EPHA3: variants seen among roughly 807,000 people sequenced by gnomAD.
EPHA3 encodes the protein ephrin type-A receptor 3.
A neutral mutation model predicts 107.1 loss-of-function variants in EPHA3; 42 were observed. That is an observed-to-expected ratio of 0.39 (90% CI 0.31 to 0.51). EPHA3 has a LOEUF of 0.51. Among genes scored for constraint, EPHA3 ranks in the 20% least tolerant of loss-of-function variants. The probability of loss-of-function intolerance (pLI) is 0.78; values close to 1 mark genes in which losing one functional copy is unlikely to be tolerated. For missense variants in EPHA3, 1,183 were observed against 1,211.2 expected, an observed-to-expected ratio of 0.98 and a Z score of 0.35; for synonymous variants, 461 against 424.8, an observed-to-expected ratio of 1.09 and a Z score of -1.05.
At chr3:89,162,677 A>G (rs1704977507) in intron 2 of EPHA3, among the ~76,000 whole-genome samples, 1 of 152,234 alleles carries the variant, frequency 6.6e-6, no homozygotes, top group African/African-American at 2.4e-5. Flanking sequence ...CAGAAGGTGA[A>G]GTGAAGCTGT....
chr3:89,112,207 T>A (rs553520399), intron 1 of EPHA3, among the ~76,000 whole-genome samples: 5 of 152,170 alleles, frequency 3.3e-5, no homozygotes, highest in African/African-American at 1.2e-4. Flanking sequence ...AATACAAAAA[T>A]TTAAAACAAA....
chr3:89,138,221 G>A lies in EPHA3; in HGVS notation c.153+10948G>A, dbSNP rs892755828. On this transcript the variant is annotated intron_variant, in intron 2 of 16. Transcript: ENST00000336596. ...AAACACACAGGAAGAGAAAAGACGC[G>A]TTTCCCTGGCAACTTGGGAAATCTA... 4.2e-4 allele frequency among the ~76,000 whole-genome samples: 63 copies of A among 151,676 alleles called. 1 individual carries two copies. Among genetic ancestry groups the A allele is most frequent in the Non-Finnish European group, 2.1e-4 (14 of 67,882 alleles).
intron 1 of EPHA3, among the ~76,000 whole-genome samples, chr3:89,111,314 T>C (rs1400300872): frequency 1.3e-5 from 2 of 152,092 alleles, no homozygotes; most frequent in African/African-American, 4.8e-5. Context: ...TATAAACACT[T>C]TTCCTCAAAT....
intron 12 of EPHA3, among the ~76,000 whole-genome samples, chr3:89,430,012 C>T (rs565433053): frequency 6.6e-6 from 1 of 152,264 alleles, no homozygotes; most frequent in Non-Finnish European, 1.5e-5. Flanking sequence ...GATCCGCCCT[C>T]CTCAGCCTCC....
intron 2 of EPHA3, among the ~76,000 whole-genome samples, chr3:89,147,461 A>G (rs1028277033): frequency 6.6e-6 from 1 of 151,940 alleles, no homozygotes; most frequent in African/African-American, 2.4e-5. Flanking sequence ...TATAATTGTG[A>G]AGAAGAAAAA....
intron 5 of EPHA3, among the ~76,000 whole-genome samples, chr3:89,379,378 T>C (rs1356280972): frequency 1.3e-5 from 2 of 152,166 alleles, no homozygotes; most frequent in African/African-American, 4.8e-5. Flanking sequence ...TGTATAAATA[T>C]GCAAACAGAC....
chr3:89,249,487 G>A (rs1286281871), intron 3 of EPHA3, among the ~76,000 whole-genome samples: 1 of 151,960 alleles, frequency 6.6e-6, no homozygotes, highest in Admixed American at 6.6e-5. Context: ...TTGAGACAGG[G>A]TCTGGCTCTG....
intron 3 of EPHA3, among the ~76,000 whole-genome samples, chr3:89,286,122 G>A (rs1706076727): frequency 9.0e-6 from 1 of 110,610 alleles, no homozygotes; most frequent in Non-Finnish European, 1.8e-5. Context: ...ATTTCTACGT[G>A]TGTGTGTGTG....
At chr3:89,308,542 A>C (rs1184995702) in intron 3 of EPHA3, among the ~76,000 whole-genome samples, 1 of 152,090 alleles carries the variant, frequency 6.6e-6, no homozygotes, top group African/African-American at 2.4e-5. Context: ...TTCTGCTTGC[A>C]CAAGTTAGGT....
chr3:89,468,055 C>A (rs1710323868), intron 15 of EPHA3, among the ~76,000 whole-genome samples: 1 of 152,102 alleles, frequency 6.6e-6, no homozygotes, highest in Non-Finnish European at 1.5e-5. Flanking sequence ...GGCCCAGATT[C>A]CCTTGGTGCG....
chr3:89,325,978 A>T (rs1707157434), intron 3 of EPHA3, among the ~76,000 whole-genome samples: 1 of 151,236 alleles, frequency 6.6e-6, no homozygotes, highest in African/African-American at 2.4e-5. Flanking sequence ...ATAACCAAAG[A>T]TTATATTAAA....
chr3:89,241,173 C>T (rs1294217466), intron 3 of EPHA3, among the ~76,000 whole-genome samples: 1 of 151,854 alleles, frequency 6.6e-6, no homozygotes, highest in Non-Finnish European at 1.5e-5. Flanking sequence ...TTTAATGTCT[C>T]TCCTATTTGA....
Position 89,204,758 on chromosome 3 carries a change from C to T in EPHA3, c.154-5102C>T, listed in dbSNP as rs1394802720. ...GACAGCCTTGCTGTAAGAGATTCTG[C>T]ATGCATGCTTAAAATGCTGCTGCCT... On this transcript the variant is annotated intron_variant, in intron 2 of 16. Transcript: ENST00000336596. Among the ~76,000 whole-genome samples, 6 of 152,170 alleles carry T rather than the reference C, an allele frequency of 3.9e-5. No homozygotes were observed. In the East Asian group the frequency reaches 1.2e-3, roughly 29 times the overall value.
At chr3:89,313,019 T>A (rs576421138) in intron 3 of EPHA3, among the ~76,000 whole-genome samples, 1 of 152,192 alleles carries the variant, frequency 6.6e-6, no homozygotes, top group East Asian at 1.9e-4. Flanking sequence ...GGGTCTTTGC[T>A]ATTGTGAATT....
intron 2 of EPHA3, among the ~76,000 whole-genome samples, chr3:89,158,116 G>A (rs1311208394): frequency 6.6e-6 from 1 of 152,048 alleles, no homozygotes. Flanking sequence ...AACACAATGG[G>A]ACACATTCTA....
At chr3:89,204,608 A>ACGTG (rs1706055870) in intron 2 of EPHA3, among the ~76,000 whole-genome samples, 1 of 148,658 alleles carries the variant, frequency 6.7e-6, no homozygotes, top group African/African-American at 2.5e-5. Flanking sequence ...CTGTGTGTAA[A>ACGTG]TGTGTGTGTG....
intron 3 of EPHA3, among the ~76,000 whole-genome samples, chr3:89,322,542 G>C (rs933029597): frequency 6.6e-6 from 1 of 152,082 alleles, no homozygotes; most frequent in Non-Finnish European, 1.5e-5. Flanking sequence ...TGTAAATGAA[G>C]GCTCCTTCCA....
intron 7 of EPHA3, among the ~76,000 whole-genome samples, chr3:89,402,598 TTA>T (rs1429481782): frequency 2.0e-5 from 3 of 152,062 alleles, no homozygotes; most frequent in Non-Finnish European, 4.4e-5. Context: ...CTCTTATTTG[TTA>T]TATATTGATT....
At chr3:89,344,875 A>AGACTG (rs1159725887) in intron 5 of EPHA3, among the ~76,000 whole-genome samples, 1 of 151,666 alleles carries the variant, frequency 6.6e-6, no homozygotes, top group Non-Finnish European at 1.5e-5. Flanking sequence ...TTCGGATATT[A>AGACTG]GTTCTCAGCT....
Sources: allele counts gnomAD v4.1 joint callset (sites outside exome capture counted in the v4.1 genomes callset), GRCh38; gene constraint gnomAD v4.1.1; transcripts MANE v1.5; gene names NCBI Gene and HGNC (gene_info 2026-07-23, HGNC 2026-07-21).